RAB8B: variants seen among roughly 807,000 people sequenced by gnomAD.
The protein encoded by RAB8B is ras-related protein Rab-8B.
A neutral mutation model predicts 32.0 loss-of-function variants in RAB8B; 11 were observed. The ratio of observed to expected loss-of-function variants is 0.34; its 90% CI spans 0.22 to 0.57. The LOEUF (loss-of-function observed/expected upper bound fraction) is 0.57. RAB8B is among the 20% of genes least tolerant of loss of function. The pLI is 0.86. For synonymous variants in RAB8B, 103 were observed against 89.6 expected, an observed-to-expected ratio of 1.15 and a Z score of -0.85; for missense variants, 190 against 258.5, an observed-to-expected ratio of 0.73 and a Z score of 1.82.
rs565710880 is a variant in RAB8B, at chr15:63,223,064, G to T, written c.125-21692G>T. On this transcript the variant is annotated intron_variant, in intron 1 of 7. Transcript: ENST00000321437. Reference sequence around the variant, plus strand: ...CAGAGCAACTTCCAGTCCTGTAAGCGCCTTTCATGGTAAGTACCCTATATA... The same window carrying T: ...CAGAGCAACTTCCAGTCCTGTAAGCTCCTTTCATGGTAAGTACCCTATATA... 4 of 455,836 alleles carry T rather than the reference G, an allele frequency of 8.8e-6. No individual in the cohort carries two copies. The Admixed American group carries it at 9.4e-5, about 11-fold the overall frequency. The allele number at this position is 455,836 out of a possible 1,614,324, so 28.2% of individuals were successfully genotyped here. A position where few individuals can be genotyped will look rare whatever the true frequency, so the allele number is the denominator to read the frequency against.
chr15:63,222,425 A>G (rs1403454871), intron 1 of RAB8B, among the ~76,000 whole-genome samples: 1 of 152,174 alleles, frequency 6.6e-6, no homozygotes, highest in Non-Finnish European at 1.5e-5. Flanking sequence ...AGTTCCCTCT[A>G]TTAAATTCCT....
intron 1 of RAB8B, among the ~76,000 whole-genome samples, chr15:63,190,314 G>T (rs55634504): frequency 0.039 from 5,995 of 152,162 alleles, 168 homozygotes; most frequent in Non-Finnish European, 0.057. Context: ...GCTGGCCACA[G>T]GAGGTCTGGA....
intron 3 of RAB8B, among the ~76,000 whole-genome samples, chr15:63,253,320 A>T (rs929645852): frequency 1.3e-5 from 2 of 152,154 alleles, no homozygotes; most frequent in African/African-American, 4.8e-5. Flanking sequence ...GTCTATGTGT[A>T]TATGTGTGTT....
intron 1 of RAB8B, among the ~76,000 whole-genome samples, chr15:63,190,281 A>G (rs1452447445): frequency 6.6e-6 from 1 of 152,120 alleles, no homozygotes; most frequent in East Asian, 1.9e-4. Flanking sequence ...ATGAGCGGTC[A>G]GGAGGTGAGG....
At chr15:63,202,851 C>T (rs762643292) in intron 1 of RAB8B, among the ~76,000 whole-genome samples, 1 of 152,240 alleles carries the variant, frequency 6.6e-6, no homozygotes, top group African/African-American at 2.4e-5. Context: ...GTTTAAGTCT[C>T]CATAATGCCT....
At chr15:63,196,990 T>A (rs2037605990) in intron 1 of RAB8B, among the ~76,000 whole-genome samples, 1 of 152,186 alleles carries the variant, frequency 6.6e-6, no homozygotes. Flanking sequence ...CCCATTAGCT[T>A]CAAACAATGC....
intron 1 of RAB8B, among the ~76,000 whole-genome samples, chr15:63,201,193 G>A (rs2037646122): frequency 6.6e-6 from 1 of 152,142 alleles, no homozygotes; most frequent in South Asian, 2.1e-4. Context: ...TTTGAAACGG[G>A]AAAGAGTTAA....
chr15:63,226,086 T>C (rs8024871), intron 1 of RAB8B, among the ~76,000 whole-genome samples: 67,276 of 152,040 alleles, frequency 0.44, 15,610 homozygotes, highest in East Asian at 0.66. Flanking sequence ...GTGATCCTCT[T>C]GCCTATGCCT....
At chr15:63,244,907 G>T (rs188086603) in intron 2 of RAB8B, 91 bp downstream of exon 2, 6 of 1,087,764 alleles carry the variant, frequency 5.5e-6, no homozygotes, top group Non-Finnish European at 8.1e-6. Flanking sequence ...GGCATCTTGT[G>T]ATAGCTAAAA....
rs1411986942 is a variant in RAB8B at position 63,259,265 on chromosome 15, G to A, written c.415-362G>A. Among the ~76,000 whole-genome samples, 4 of 151,890 alleles carry A rather than the reference G, an allele frequency of 2.6e-5. No homozygotes were observed. Among genetic ancestry groups the A allele is most frequent in the African/African-American group, 4.8e-5 (2 of 41,354 alleles). On this transcript the variant is annotated intron_variant, in intron 5 of 7. Coordinates refer to ENST00000321437, the MANE Select transcript of RAB8B (RefSeq NM_016530.3). This position sits in a 1 kb window ranked among gnomAD's most constrained non-coding sequence, Gnocchi z 4.4. The stretch of plus-strand genomic sequence containing the variant: ...CTCCCGGGTAGCTGGGACTACAGGC[G>A]GGTGCCACCACGCCCGGCTAATTTT...
At chr15:63,197,370 C>CTTTTTTTTTTTTTTT (rs58765418) in intron 1 of RAB8B, among the ~76,000 whole-genome samples, 9 of 61,410 alleles carry the variant, frequency 1.5e-4, no homozygotes, top group East Asian at 6.0e-4. Flanking sequence ...TCTTTCTTTT[C>CTTTTTTTTTTTTTTT]TTTTTTTTTT....
intron 3 of RAB8B, among the ~76,000 whole-genome samples, chr15:63,252,484 A>G (rs1037188673): frequency 8.5e-5 from 13 of 152,202 alleles, no homozygotes; most frequent in Non-Finnish European, 1.3e-4. Flanking sequence ...TCTTAACACC[A>G]CACCATGTTC....
chr15:63,251,848 C>G (rs1218276575), intron 3 of RAB8B, among the ~76,000 whole-genome samples: 1 of 152,078 alleles, frequency 6.6e-6, no homozygotes, highest in Non-Finnish European at 1.5e-5. Flanking sequence ...GTCATCCATT[C>G]CAGTCGGTTG....
intron 6 of RAB8B, among the ~76,000 whole-genome samples, chr15:63,260,109 A>G (rs1346833088): frequency 1.3e-5 from 2 of 152,218 alleles, no homozygotes; most frequent in Non-Finnish European, 2.9e-5. Context: ...CTGGAATTAC[A>G]GGCGTGAGCC....
At position 63,189,629 on chromosome 15, in the gene RAB8B, C is replaced by G. The variant is rs1265053694; in HGVS notation, c.5C>G (p.Ala2Gly). 1.2e-6 allele frequency: 2 copies of G among 1,613,498 alleles called. No individual in the cohort carries two copies. Among genetic ancestry groups the G allele is most frequent in the Non-Finnish European group, 1.7e-6 (2 of 1,179,792 alleles). The change falls in exon 1 of 8, where the codon GCG becomes GGG. Residue 2 changes from alanine (A) to glycine (G), a missense_variant. By Grantham distance (60) the Ala-to-Gly change is moderately conservative. This residue lies in a region of RAB8B where 80 missense variants were observed against 142.6 expected (regional missense o/e 0.56). Coordinates refer to ENST00000321437, the MANE Select transcript of RAB8B (RefSeq NM_016530.3). ...TCAGAGGGCCGGAGCGAGAAGATGGCGAAGACGTACGATTATCTCTTCAAG... is the reference window on the plus strand; with the variant it reads ...TCAGAGGGCCGGAGCGAGAAGATGGGGAAGACGTACGATTATCTCTTCAAG... The part of the protein sequence containing the change: M[A>G]KTYDYLFKLL...
intron 1 of RAB8B, among the ~76,000 whole-genome samples, chr15:63,227,905 CCTTTCTTTT>C (rs937024262): frequency 2.0e-5 from 3 of 151,954 alleles, no homozygotes; most frequent in Non-Finnish European, 2.9e-5. Flanking sequence ...CCTTTCCTTT[CCTTTCTTTT>C]CTTTCTTTTC....
chr15:63,251,258 G>A (rs980534440), intron 3 of RAB8B: 2 of 455,746 alleles, frequency 4.4e-6, no homozygotes, highest in African/African-American at 2.0e-5. Context: ...GAAGACATTT[G>A]TTTGTTGTTT....
intron 1 of RAB8B, among the ~76,000 whole-genome samples, chr15:63,195,323 T>G (rs1372821825): frequency 2.0e-5 from 3 of 152,176 alleles, no homozygotes; most frequent in Non-Finnish European, 4.4e-5. Flanking sequence ...TTCTAGTGAA[T>G]GAAAAAAGCC....
intron 3 of RAB8B, among the ~76,000 whole-genome samples, chr15:63,254,738 C>T (rs2038146136): frequency 6.6e-6 from 1 of 152,028 alleles, no homozygotes; most frequent in Admixed American, 6.6e-5. Flanking sequence ...TGGTGAAACC[C>T]TGTCTGTACT....
Sources: gnomAD v4.1 joint callset for allele counts (sites outside exome capture counted in the v4.1 genomes callset) on GRCh38, gnomAD v4.1.1 for gene constraint, gnomAD v4.1.1 regional missense constraint, Gnocchi (gnomAD v3.1) non-coding constraint, MANE v1.5 for transcripts, NCBI Gene and HGNC (gene_info 2026-07-23, HGNC 2026-07-21) for gene names.